MITF: variants seen among roughly 807,000 people sequenced by gnomAD.
MITF encodes microphthalmia-associated transcription factor.
Under a neutral mutation model 60.5 loss-of-function variants are expected in MITF, and 17 were observed. That is an observed-to-expected ratio of 0.28 (90% CI 0.19 to 0.42). The LOEUF is 0.42. MITF is among the 10% of genes least tolerant of loss of function. The pLI is 1.00. For missense variants in MITF, 622 were observed against 683.5 expected (o/e 0.91, Z 1.00); for synonymous variants, 260 against 248.5 (o/e 1.05, Z -0.43).
At chr3:69,922,383 A>G (rs2065487985) in intron 2 of MITF, among the ~76,000 whole-genome samples, 1 of 152,006 alleles carries the variant, frequency 6.6e-6, no homozygotes, top group Non-Finnish European at 1.5e-5. Flanking sequence ...CACCACACCC[A>G]GCTAATTTTT....
chr3:69,898,884 G>T (rs1003042013), intron 2 of MITF, among the ~76,000 whole-genome samples: 11 of 152,262 alleles, frequency 7.2e-5, no homozygotes, highest in Middle Eastern at 3.4e-3. Context: ...CCAACAAGTA[G>T]TTATTGAACA....
chr3:69,924,535 C>T (rs140482093), intron 2 of MITF, among the ~76,000 whole-genome samples: 7 of 152,270 alleles, frequency 4.6e-5, no homozygotes, highest in African/African-American at 1.2e-4. Context: ...CAAATTTATA[C>T]GAAAGCAGAG....
chr3:69,845,375 G>C (rs1041803308), intron 1 of MITF, among the ~76,000 whole-genome samples: 1 of 149,748 alleles, frequency 6.7e-6, no homozygotes, highest in African/African-American at 2.4e-5. Flanking sequence ...GAGTCTACTT[G>C]ATTCTAGTAC....
chr3:69,744,624 T>C (rs920822293), intron 1 of MITF, among the ~76,000 whole-genome samples: 1 of 152,240 alleles, frequency 6.6e-6, no homozygotes. Flanking sequence ...TTAGCAGATG[T>C]TCTTGTTGCT....
At chr3:69,848,914 G>C (rs2063776166) in intron 1 of MITF, among the ~76,000 whole-genome samples, 1 of 150,576 alleles carries the variant, frequency 6.6e-6, no homozygotes, top group Non-Finnish European at 1.5e-5. Flanking sequence ...AGGAATTTGA[G>C]AGATAGCTTT....
At chr3:69,858,402 G>C (rs2063956290) in intron 1 of MITF, among the ~76,000 whole-genome samples, 1 of 152,108 alleles carries the variant, frequency 6.6e-6, no homozygotes, top group Admixed American at 6.5e-5. Flanking sequence ...GTTTTGAGAT[G>C]CTTTAAAAGT....
chr3:69,758,951 T>A (rs1294188422), intron 1 of MITF, among the ~76,000 whole-genome samples: 1 of 152,230 alleles, frequency 6.6e-6, no homozygotes, highest in East Asian at 1.9e-4. Context: ...GTAAAATGAC[T>A]GGCATATGTA....
intron 1 of MITF, among the ~76,000 whole-genome samples, chr3:69,780,910 C>T (rs916108041): frequency 1.3e-5 from 2 of 152,146 alleles, no homozygotes; most frequent in Non-Finnish European, 2.9e-5. Flanking sequence ...TGATGGGAGG[C>T]CTTGTCCATT....
chr3:69,900,912 G>A (rs777031426), intron 2 of MITF, among the ~76,000 whole-genome samples: 8 of 152,026 alleles, frequency 5.3e-5, no homozygotes, highest in Non-Finnish European at 1.0e-4. Flanking sequence ...AAAAGTAATA[G>A]CCAGGGAGGA....
chr3:69,747,551 A>G (rs1381399613), intron 1 of MITF, among the ~76,000 whole-genome samples: 1 of 152,256 alleles, frequency 6.6e-6, no homozygotes, highest in Non-Finnish European at 1.5e-5. Context: ...AGCTAATATT[A>G]GGCTTGAGGC....
intron 1 of MITF, among the ~76,000 whole-genome samples, chr3:69,744,400 C>G (rs1372220184): frequency 6.6e-6 from 1 of 152,056 alleles, no homozygotes; most frequent in Non-Finnish European, 1.5e-5. Context: ...GATGAAGAGC[C>G]TTGTTCTGCC....
chr3:69,918,547 A>G (rs1255420456), intron 2 of MITF, among the ~76,000 whole-genome samples: 1 of 152,164 alleles, frequency 6.6e-6, no homozygotes, highest in Non-Finnish European at 1.5e-5. Flanking sequence ...TGAGAAATGA[A>G]GCCACGATGC....
intron 2 of MITF, among the ~76,000 whole-genome samples, chr3:69,915,070 T>G (rs2107403155): frequency 6.6e-6 from 1 of 152,318 alleles, no homozygotes; most frequent in Non-Finnish European, 1.5e-5. Context: ...AGTGTATTCC[T>G]TTATGTCACA....
At position 69,834,610 on chromosome 3, in the gene MITF, T is replaced by C. The variant is rs1469120688; in HGVS notation, c.105-44524T>C. On this transcript the variant is annotated intron_variant, in intron 1 of 9. Transcript: ENST00000352241. ...TTAGGTTGATCACATATCTTGGCTA[T>C]TGTAAATAGTGCTGCAATAAACATG... Among the ~76,000 whole-genome samples, 3 of 152,200 alleles carry C rather than the reference T, an allele frequency of 2.0e-5. No individual in the cohort carries two copies. In the East Asian group the frequency reaches 5.8e-4, roughly 29 times the overall value.
intron 2 of MITF, among the ~76,000 whole-genome samples, chr3:69,886,276 C>T (rs536125155): frequency 1.3e-5 from 2 of 152,154 alleles, no homozygotes; most frequent in East Asian, 3.9e-4. Flanking sequence ...ACCTGAAGCA[C>T]CTTGGAGGAG....
chr3:69,762,032 C>A (rs1458428608), intron 1 of MITF, among the ~76,000 whole-genome samples: 1 of 152,132 alleles, frequency 6.6e-6, no homozygotes, highest in Admixed American at 6.5e-5. Context: ...AAATTTATAG[C>A]CAGTCTGTTC....
intron 1 of MITF, among the ~76,000 whole-genome samples, chr3:69,758,942 T>C (rs1462844626): frequency 6.6e-6 from 1 of 152,226 alleles, no homozygotes. Context: ...AGATAATATG[T>C]AAAATGACTG....
intron 3 of MITF, 156 bp downstream of exon 3, chr3:69,938,205 C>A: frequency 3.6e-6 from 4 of 1,124,148 alleles, no homozygotes; most frequent in Non-Finnish European, 5.3e-6. Flanking sequence ...GGCATTCCAG[C>A]CTGTTGTCTC....
At position 69,757,041 on chromosome 3, in the gene MITF, A is replaced by G. The variant is rs1704176896; in HGVS notation, c.104+17340A>G. Among the ~76,000 whole-genome samples, 3 of 152,132 alleles carry G rather than the reference A, an allele frequency of 2.0e-5. No homozygotes were observed. The South Asian group carries it at 6.2e-4, about 32-fold the overall frequency. ...AGAATCTGGATATTAGACCTTTGTT[A>G]GATGGATAGATTGCAAAAATTTTCT... On this transcript the variant is annotated intron_variant, in intron 1 of 9. Transcript: ENST00000352241.
Sources: allele counts gnomAD v4.1 joint callset (sites outside exome capture counted in the v4.1 genomes callset), GRCh38; gene constraint gnomAD v4.1.1; transcripts MANE v1.5; gene names NCBI Gene and HGNC (gene_info 2026-07-23, HGNC 2026-07-21).